Variants in NFX1 observed in about 807,000 individuals in gnomAD.
NFX1 encodes the protein nuclear transcription factor, X-box binding 1.
NFX1 carries 69 observed loss-of-function variants against 137.2 expected under a neutral mutation model. That is an observed-to-expected ratio of 0.50 (90% CI 0.41 to 0.61). The LOEUF (loss-of-function observed/expected upper bound fraction) is 0.61. Ranked by LOEUF, NFX1 falls within the 20% of genes least tolerant of loss-of-function variation. NFX1 has a pLI of 0.00. For missense variants in NFX1, 1,167 were observed against 1,391.0 expected (o/e 0.84, Z 2.56); for synonymous variants, 495 against 474.1 (o/e 1.04, Z -0.57).
In NFX1 at chr9:33,301,364, C is replaced by A. The variant is rs753581917; in HGVS notation, c.1135C>A (p.His379Asn). 1 of 1,614,160 alleles carries A rather than the reference C, an allele frequency of 6.2e-7. No individual in the cohort carries two copies. The highest frequency in any genetic ancestry group is 8.5e-7 in the Non-Finnish European group (1 of 1,180,030). Residue 379 changes from histidine (H) to asparagine (N), a missense_variant, in exon 3 of 24, where the codon CAT (histidine) becomes AAT (asparagine). Coordinates refer to ENST00000379540, the MANE Select transcript of NFX1 (RefSeq NM_002504.6). The stretch of plus-strand genomic sequence containing the variant: ...AGTGTGGAGTTGTCAGAGCTGTTAC[C>A]ATGTGTTTCATTTGAACTGCATAAA... The part of the protein sequence containing the change: ...APVWSCQSCY[H>N]VFHLNCIKKW...
intron 11 of NFX1, among the ~76,000 whole-genome samples, chr9:33,336,001 A>G (rs1055592027): frequency 6.6e-6 from 1 of 152,208 alleles, no homozygotes; most frequent in South Asian, 2.1e-4. Context: ...GAACATTTGT[A>G]TACAAGTTTT....
intron 2 of NFX1, among the ~76,000 whole-genome samples, chr9:33,297,344 C>T (rs555966467): frequency 2.7e-4 from 41 of 152,220 alleles, no homozygotes; most frequent in Non-Finnish European, 4.9e-4. Flanking sequence ...TAGTTTCTTG[C>T]TTTATCAGGA....
chr9:33,296,723 T>C (rs1564099662), intron 2 of NFX1, among the ~76,000 whole-genome samples: 1 of 152,038 alleles, frequency 6.6e-6, no homozygotes, highest in African/African-American at 2.4e-5. Flanking sequence ...GACCCTGTTT[T>C]GCGGGGGGAA....
At chr9:33,308,720 C>T (rs35058447) in intron 5 of NFX1, among the ~76,000 whole-genome samples, 5,918 of 152,200 alleles carry the variant, frequency 0.039, 173 homozygotes, top group Non-Finnish European at 0.055. Flanking sequence ...TGCATCTATG[C>T]GGCTCGATAT....
At position 33,351,627 on chromosome 9, in the gene NFX1, C is replaced by G. The variant is rs1354654302; in HGVS notation, c.2492C>G (p.Pro831Arg). The G allele has an allele frequency of 1.2e-6, 2 of 1,614,176 alleles. No individual in the cohort carries two copies. Among genetic ancestry groups the G allele is most frequent in the South Asian group, 2.2e-5 (2 of 91,084 alleles). The change falls in exon 16 of 24, where the codon CCA (proline) becomes CGA (arginine). Residue 831 changes from proline (P) to arginine (R), a missense_variant. Pro to Arg is a moderately radical substitution (Grantham distance 103). Transcript: ENST00000379540. The stretch of plus-strand genomic sequence containing the variant: ...GGATTACCCTGCAGTGCCACGCTAC[C>G]ATGTGGGATGCACAAATGTCAGAGA... ...SCGLPCSATL[P>R]CGMHKCQRLC...
At position 33,347,070 on chromosome 9, in the gene NFX1, C is replaced by T; in HGVS notation, c.2377C>T (p.Pro793Ser). ...TTCTTGTCATAGTGAGGAGAAGTGT[C>T]CCCCTTGCACTTTCCTAACTCAGAA... ...YHSCHSEEKC[P>S]PCTFLTQKWC... The change falls in exon 15 of 24, where the codon CCC becomes TCC. Residue 793 changes from proline to serine, a missense_variant. Physicochemically the swap from Pro to Ser is moderately conservative, Grantham distance 74. This residue lies in a region of NFX1 where 488 missense variants were observed against 691.5 expected (regional missense o/e 0.71). Transcript: ENST00000379540. 1 of 1,613,466 alleles carries T rather than the reference C, an allele frequency of 6.2e-7. No homozygotes were observed. The highest frequency in any genetic ancestry group is 8.5e-7 in the Non-Finnish European group (1 of 1,179,502).
At chr9:33,358,754 C>T (rs769495025) in intron 19 of NFX1, among the ~76,000 whole-genome samples, 9 of 145,154 alleles carry the variant, frequency 6.2e-5, no homozygotes, top group African/African-American at 1.0e-4. Context: ...CCTCTACCTC[C>T]TGGGTTCAAG....
intron 7 of NFX1, among the ~76,000 whole-genome samples, chr9:33,316,369 C>G (rs1330397552): frequency 6.6e-6 from 1 of 151,728 alleles, no homozygotes; most frequent in African/African-American, 2.4e-5. Flanking sequence ...ATTCTCCTGC[C>G]TCAGCCTCCC....
intron 9 of NFX1, among the ~76,000 whole-genome samples, chr9:33,323,847 T>C (rs923400148): frequency 6.6e-6 from 1 of 151,998 alleles, no homozygotes; most frequent in African/African-American, 2.4e-5. Context: ...GATGTGAAGA[T>C]GATGTCTTAT....
intron 19 of NFX1, among the ~76,000 whole-genome samples, chr9:33,360,530 C>T (rs1317193646): frequency 6.6e-6 from 1 of 152,092 alleles, no homozygotes; most frequent in Non-Finnish European, 1.5e-5. Flanking sequence ...ATGACCCTTA[C>T]TGGATAGAGT....
intron 19 of NFX1, among the ~76,000 whole-genome samples, chr9:33,360,107 G>T (rs531079827): frequency 1.3e-5 from 2 of 152,300 alleles, no homozygotes; most frequent in East Asian, 3.9e-4. Context: ...GCTGCAGAAT[G>T]TAAATTAGGA....
intron 12 of NFX1, among the ~76,000 whole-genome samples, chr9:33,342,058 G>A (rs1367667545): frequency 3.9e-5 from 6 of 152,024 alleles, no homozygotes; most frequent in Non-Finnish European, 7.4e-5. Context: ...GGAGGTTGCA[G>A]TGAGCCAAGA....
intron 19 of NFX1, among the ~76,000 whole-genome samples, chr9:33,357,705 CTTT>C (rs78778092): frequency 1.5e-5 from 2 of 132,074 alleles, no homozygotes. Flanking sequence ...CTAAGATTTT[CTTT>C]TTTTTTTTTT....
chr9:33,314,992 A>T (rs796176134), intron 7 of NFX1, among the ~76,000 whole-genome samples: 5 of 152,342 alleles, frequency 3.3e-5, no homozygotes, highest in African/African-American at 1.2e-4. Context: ...AATTGTGAAT[A>T]TAAGTTTATG....
intron 11 of NFX1, among the ~76,000 whole-genome samples, chr9:33,335,731 A>C (rs1437676465): frequency 6.6e-6 from 1 of 152,098 alleles, no homozygotes; most frequent in African/African-American, 2.4e-5. Flanking sequence ...CCAGGTAACC[A>C]CTGATCTGCT....
chr9:33,357,943 T>G (rs1823866200), intron 19 of NFX1, among the ~76,000 whole-genome samples: 2 of 152,164 alleles, frequency 1.3e-5, no homozygotes, highest in African/African-American at 4.8e-5. Flanking sequence ...TGTAGGTCAA[T>G]TTGGAATCTT....
intron 4 of NFX1, 147 bp from the exon 5 acceptor site, chr9:33,307,047 T>C: frequency 5.8e-6 from 3 of 516,374 alleles, no homozygotes; most frequent in Non-Finnish European, 1.0e-5. Flanking sequence ...TTTATCTTTT[T>C]ATTTTAAGAT....
At chr9:33,308,639 C>G (rs912560629) in intron 5 of NFX1, among the ~76,000 whole-genome samples, 1 of 152,070 alleles carries the variant, frequency 6.6e-6, no homozygotes, top group African/African-American at 2.4e-5. Flanking sequence ...TTTATCTAAG[C>G]CTGCATCTGT....
At chr9:33,369,546 G>T (rs533722825) in intron 23 of NFX1, among the ~76,000 whole-genome samples, 12 of 152,144 alleles carry the variant, frequency 7.9e-5, no homozygotes, top group African/African-American at 2.9e-4. Flanking sequence ...TGAGATGCTC[G>T]CTTGGCTTAA....
Sources: allele counts gnomAD v4.1 joint callset (sites outside exome capture counted in the v4.1 genomes callset), GRCh38; gene constraint gnomAD v4.1.1; regional missense constraint gnomAD v4.1.1; transcripts MANE v1.5; gene names NCBI Gene and HGNC (gene_info 2026-07-23, HGNC 2026-07-21).